GAB2: variants seen among roughly 807,000 people sequenced by gnomAD.
The protein encoded by GAB2 is GRB2-associated-binding protein 2.
GAB2 carries 26 observed loss-of-function variants against 65.5 expected under a neutral mutation model. The ratio of observed to expected loss-of-function variants is 0.40; its 90% CI spans 0.29 to 0.55. The LOEUF (loss-of-function observed/expected upper bound fraction) is 0.55. GAB2 is among the 20% of genes least tolerant of loss of function. GAB2 has a pLI of 0.53. For missense variants in GAB2, 884 were observed against 875.8 expected (o/e 1.01, Z -0.12); for synonymous variants, 321 against 329.6 (o/e 0.97, Z 0.28).
intron 3 of GAB2, among the ~76,000 whole-genome samples, chr11:78,246,320 C>T (rs1865296773): frequency 6.6e-6 from 1 of 152,226 alleles, no homozygotes; most frequent in African/African-American, 2.4e-5. Flanking sequence ...AAATCTGTGT[C>T]TGATAATTCC....
chr11:78,360,408 AAG>A (rs1554993973), intron 1 of GAB2, among the ~76,000 whole-genome samples: 23 of 147,648 alleles, frequency 1.6e-4, no homozygotes, highest in East Asian at 3.9e-4. Context: ...AAAAAAAAAA[AAG>A]AAGAAGAGGA....
chr11:78,335,949 T>G (rs1855990027), intron 1 of GAB2, among the ~76,000 whole-genome samples: 1 of 152,186 alleles, frequency 6.6e-6, no homozygotes, highest in Non-Finnish European at 1.5e-5. Context: ...ATCTTTCACT[T>G]TTTTAGTTAA....
intron 1 of GAB2, among the ~76,000 whole-genome samples, chr11:78,308,015 T>C (rs1855407952): frequency 6.6e-6 from 1 of 152,162 alleles, no homozygotes; most frequent in Admixed American, 6.5e-5. Flanking sequence ...GAAAACATTT[T>C]CTTTTCTGAA....
rs934272269 is a variant in GAB2 at position 78,216,814 on chromosome 11, TG to T, written c.*2457del. 5.3e-5 allele frequency: 8 copies of T among 152,332 alleles called. No homozygotes were observed. Among genetic ancestry groups the T allele is most frequent in the African/African-American group, 1.9e-4 (8 of 41,558 alleles). The allele number at this position is 152,332 out of a possible 1,614,324, so 9.4% of individuals were successfully genotyped here. ...GGCACCAGTTAAAAGCTCTGTCGTA[TG>T]GGGCCCCTTGTAGGGGGCCTTTAAG... On this transcript the variant is annotated 3_prime_UTR_variant, in exon 10 of 10. Transcript: ENST00000361507.
At chr11:78,310,435 C>T (rs1254444769) in intron 1 of GAB2, among the ~76,000 whole-genome samples, 1 of 149,268 alleles carries the variant, frequency 6.7e-6, no homozygotes, top group Non-Finnish European at 1.5e-5. Flanking sequence ...ATGGCGTGAA[C>T]CTGGGAGGCG....
chr11:78,235,848 A>T (rs926112775), intron 3 of GAB2, among the ~76,000 whole-genome samples: 7 of 152,180 alleles, frequency 4.6e-5, no homozygotes, highest in African/African-American at 1.7e-4. Context: ...TGAGCCCTCC[A>T]AACTGTTCCA....
chr11:78,272,877 G>A (rs1184023481), intron 2 of GAB2, among the ~76,000 whole-genome samples: 1 of 152,222 alleles, frequency 6.6e-6, no homozygotes, highest in Non-Finnish European at 1.5e-5. Context: ...TGGGGACTTG[G>A]TGCCCTGTGT....
intron 1 of GAB2, among the ~76,000 whole-genome samples, chr11:78,345,486 C>G (rs1430246419): frequency 6.6e-6 from 1 of 152,216 alleles, no homozygotes; most frequent in African/African-American, 2.4e-5. Flanking sequence ...TAACTCTGAT[C>G]TGTCTCTCTG....
chr11:78,403,232 C>T (rs553186410), intron 1 of GAB2, among the ~76,000 whole-genome samples: 31 of 152,290 alleles, frequency 2.0e-4, no homozygotes, highest in South Asian at 8.3e-4. Flanking sequence ...AACATATTTA[C>T]GAAGTTTAAA....
At chr11:78,413,854 C>T (rs565042008) in intron 1 of GAB2, among the ~76,000 whole-genome samples, 13 of 152,048 alleles carry the variant, frequency 8.5e-5, no homozygotes, top group Middle Eastern at 3.4e-3. Context: ...TGTGGGAGGC[C>T]GAGGCGGGTG....
chr11:78,295,725 GA>G (rs1201472036), intron 1 of GAB2, among the ~76,000 whole-genome samples: 21 of 152,314 alleles, frequency 1.4e-4, no homozygotes, highest in African/African-American at 5.1e-4. Context: ...AGGAGTCACA[GA>G]AGTTTTACAG....
intron 1 of GAB2, among the ~76,000 whole-genome samples, chr11:78,362,579 T>C (rs956129625): frequency 1.3e-5 from 2 of 152,120 alleles, no homozygotes; most frequent in African/African-American, 4.8e-5. Flanking sequence ...TCACAATAAA[T>C]GTAAATCAAT....
chr11:78,409,607 A>T (rs1271348355), intron 1 of GAB2, among the ~76,000 whole-genome samples: 1 of 152,156 alleles, frequency 6.6e-6, no homozygotes, highest in East Asian at 1.9e-4. Flanking sequence ...TAAAAAAAAT[A>T]AAATATGTGA....
chr11:78,395,448 T>C (rs1419506854), intron 1 of GAB2, among the ~76,000 whole-genome samples: 4 of 152,152 alleles, frequency 2.6e-5, no homozygotes, highest in African/African-American at 7.2e-5. Flanking sequence ...CAAGTCTCCA[T>C]CTCAAAAACA....
intron 1 of GAB2, among the ~76,000 whole-genome samples, chr11:78,359,921 A>G (rs1441885076): frequency 2.0e-5 from 3 of 152,238 alleles, no homozygotes; most frequent in Non-Finnish European, 1.5e-5. Context: ...TCAGACCCTT[A>G]GGCCATATAA....
chr11:78,253,190 T>C (rs1865505477), intron 2 of GAB2, among the ~76,000 whole-genome samples: 1 of 152,014 alleles, frequency 6.6e-6, no homozygotes, highest in Non-Finnish European at 1.5e-5. Context: ...TTTGTATTTT[T>C]AGTAGAGATG....
At chr11:78,416,697 G>A (rs1857200740) in intron 1 of GAB2, among the ~76,000 whole-genome samples, 1 of 150,552 alleles carries the variant, frequency 6.6e-6, no homozygotes, top group Non-Finnish European at 1.5e-5. Context: ...ACTACCCCAA[G>A]ACCATTTCGG....
intron 2 of GAB2, among the ~76,000 whole-genome samples, chr11:78,280,279 T>C (rs1866296844): frequency 6.6e-6 from 1 of 152,050 alleles, no homozygotes; most frequent in Admixed American, 6.5e-5. Context: ...TGACAGATAA[T>C]GGGACACAGA....
intron 1 of GAB2, among the ~76,000 whole-genome samples, chr11:78,412,523 G>T (rs555880396): frequency 6.6e-6 from 1 of 152,180 alleles, no homozygotes; most frequent in African/African-American, 2.4e-5. Flanking sequence ...TAGTGAATAC[G>T]ATTATAAAAG....
Sources: allele counts gnomAD v4.1 joint callset (sites outside exome capture counted in the v4.1 genomes callset), GRCh38; gene constraint gnomAD v4.1.1; transcripts MANE v1.5; gene names NCBI Gene and HGNC (gene_info 2026-07-23, HGNC 2026-07-21).